The following IL1RAPL1 variants were observed in gnomAD, a reference collection of about 807,000 sequenced individuals.
IL1RAPL1 encodes interleukin-1 receptor accessory protein-like 1.
A neutral mutation model predicts 48.4 loss-of-function variants in IL1RAPL1; 3 were observed. The observed-to-expected ratio is 0.06, with a 90% CI of 0.03 to 0.16. The LOEUF is 0.16. Among genes scored for constraint, IL1RAPL1 ranks in the 10% least tolerant of loss-of-function variants. IL1RAPL1 has a pLI of 1.00. For missense variants in IL1RAPL1, 349 were observed against 530.6 expected, an observed-to-expected ratio of 0.66 and a Z score of 3.36; for synonymous variants, 185 against 187.7, an observed-to-expected ratio of 0.99 and a Z score of 0.12.
intron 2 of IL1RAPL1, among the ~76,000 whole-genome samples, chrX:29,080,921 A>AT (rs1377530454): frequency 5.4e-5 from 4 of 74,277 alleles, no homozygotes; most frequent in African/African-American, 2.1e-4. Flanking sequence ...TTTTTTAAAT[A>AT]TTTTTTCTTT....
At chrX:29,579,955 T>C (rs1782004602) in intron 5 of IL1RAPL1, among the ~76,000 whole-genome samples, 1 of 111,648 alleles carries the variant, frequency 9.0e-6, no homozygotes, top group Non-Finnish European at 1.9e-5. Flanking sequence ...CTCTCATGAA[T>C]TTAATTTTAT....
chrX:29,924,772 TA>T (rs1932872485), intron 8 of IL1RAPL1, among the ~76,000 whole-genome samples: 1 of 112,140 alleles, frequency 8.9e-6, no homozygotes, highest in South Asian at 3.7e-4. Context: ...TTAATAATGA[TA>T]AACATCTAGG....
chrX:29,299,158 A>G lies in IL1RAPL1; in HGVS notation c.362+15941A>G, dbSNP rs191363836. The stretch of plus-strand genomic sequence containing the variant: ...TCCTGCCCTCAAATATTGGACTCCA[A>G]GCTCTTCAGTTTTGGGACTCGGGCT... On this transcript the variant is annotated intron_variant, in intron 3 of 10. Transcript: ENST00000378993. Among the ~76,000 whole-genome samples the G allele has an allele frequency of 1.1e-3, 123 of 110,914 alleles. 2 individuals are homozygous for G. The highest frequency in any genetic ancestry group is 3.7e-3 in the African/African-American group (114 of 30,527).
chrX:28,962,281 G>A (rs1367397185), intron 2 of IL1RAPL1, among the ~76,000 whole-genome samples: 1 of 111,802 alleles, frequency 8.9e-6, no homozygotes, highest in African/African-American at 3.2e-5. Context: ...TTTCTAGTCC[G>A]CTTACACATT....
chrX:28,991,659 A>G (rs1419295775), intron 2 of IL1RAPL1, among the ~76,000 whole-genome samples: 2 of 112,231 alleles, frequency 1.8e-5, no homozygotes, highest in Non-Finnish European at 3.8e-5. Flanking sequence ...AGAGTCATAT[A>G]GAGACATAAA....
chrX:29,409,707 A>T (rs1174835280), intron 5 of IL1RAPL1, among the ~76,000 whole-genome samples: 2 of 111,728 alleles, frequency 1.8e-5, no homozygotes, highest in Non-Finnish European at 3.8e-5. Flanking sequence ...TGGGGAAAAC[A>T]AGACATCATA....
At chrX:29,358,676 C>T (rs1933336870) in intron 3 of IL1RAPL1, among the ~76,000 whole-genome samples, 1 of 110,507 alleles carries the variant, frequency 9.0e-6, no homozygotes, top group African/African-American at 3.3e-5. Flanking sequence ...TGCTACTTAT[C>T]ATTTTGTCAC....
chrX:29,381,967 A>T (rs1933716943), intron 3 of IL1RAPL1, among the ~76,000 whole-genome samples: 1 of 107,942 alleles, frequency 9.3e-6, no homozygotes, highest in African/African-American at 3.4e-5. Flanking sequence ...TGTAATTTTG[A>T]TTCCAAATAA....
intron 2 of IL1RAPL1, among the ~76,000 whole-genome samples, chrX:29,078,633 C>T (rs1927736075): frequency 8.9e-6 from 1 of 112,119 alleles, no homozygotes. Flanking sequence ...CTCATGATAA[C>T]AATCTACTTC....
At chrX:29,758,875 G>C (rs1928686477) in intron 6 of IL1RAPL1, among the ~76,000 whole-genome samples, 1 of 111,088 alleles carries the variant, frequency 9.0e-6, no homozygotes, top group Non-Finnish European at 1.9e-5. Flanking sequence ...TTATTATTGA[G>C]AGTGCAAACC....
intron 2 of IL1RAPL1, among the ~76,000 whole-genome samples, chrX:29,213,443 G>A (rs758626897): frequency 3.4e-4 from 38 of 112,674 alleles, no homozygotes; most frequent in Admixed American, 1.2e-3. Context: ...TATAGTAACC[G>A]GAATGTTCCT....
intron 5 of IL1RAPL1, among the ~76,000 whole-genome samples, chrX:29,555,766 T>A (rs1226137571): frequency 1.8e-5 from 2 of 112,070 alleles, no homozygotes; most frequent in Non-Finnish European, 3.8e-5. Flanking sequence ...AGTGAGTAAT[T>A]GACAAATTCA....
intron 2 of IL1RAPL1, among the ~76,000 whole-genome samples, chrX:29,174,748 T>G (rs1418773824): frequency 9.0e-6 from 1 of 111,289 alleles, no homozygotes; most frequent in Admixed American, 9.5e-5. Context: ...CTTCAGTGGA[T>G]AAAGTTCTAT....
chrX:29,935,638 T>C (rs1933020794), intron 8 of IL1RAPL1, among the ~76,000 whole-genome samples: 1 of 111,911 alleles, frequency 8.9e-6, no homozygotes, highest in Non-Finnish European at 1.9e-5. Context: ...GGGTAGGCTC[T>C]AGCATGCTGT....
intron 8 of IL1RAPL1, among the ~76,000 whole-genome samples, chrX:29,920,372 A>G (rs1157261837): frequency 8.9e-6 from 1 of 111,776 alleles, no homozygotes; most frequent in African/African-American, 3.3e-5. Flanking sequence ...TATCTGATAA[A>G]TAGAATGGGG....
intron 1 of IL1RAPL1, among the ~76,000 whole-genome samples, chrX:28,681,858 A>G (rs1397969950): frequency 1.8e-5 from 2 of 111,887 alleles, no homozygotes; most frequent in East Asian, 2.8e-4. Flanking sequence ...CCTTGAATAC[A>G]TTTGTAGTGT....
intron 6 of IL1RAPL1, among the ~76,000 whole-genome samples, chrX:29,864,723 T>C (rs1486652030): frequency 8.9e-6 from 1 of 112,280 alleles, no homozygotes; most frequent in Non-Finnish European, 1.9e-5. Context: ...TCTCTGATCT[T>C]ATCATGTTTA....
At chrX:28,761,886 A>T (rs1445453075) in intron 1 of IL1RAPL1, among the ~76,000 whole-genome samples, 1 of 112,168 alleles carries the variant, frequency 8.9e-6, no homozygotes, top group Non-Finnish European at 1.9e-5. Context: ...AGTCAGTCAT[A>T]CCTGGGTTTG....
intron 2 of IL1RAPL1, among the ~76,000 whole-genome samples, chrX:29,006,018 A>G (rs141998808): frequency 8.2e-4 from 92 of 111,625 alleles, no homozygotes; most frequent in African/African-American, 2.7e-3. Context: ...TATGCTGGCT[A>G]TCTTAGTGTA....
Sources: allele counts gnomAD v4.1 joint callset (sites outside exome capture counted in the v4.1 genomes callset), GRCh38; gene constraint gnomAD v4.1.1; transcripts MANE v1.5; gene names NCBI Gene and HGNC (gene_info 2026-07-23, HGNC 2026-07-21).